ELP3: variants seen among roughly 807,000 people sequenced by gnomAD.
The protein encoded by ELP3 is elongator complex protein 3.
ELP3 carries 56 observed loss-of-function variants against 74.9 expected under a neutral mutation model. The observed-to-expected ratio is 0.75, with a 90% CI of 0.60 to 0.93. The LOEUF is 0.93. Ranked by LOEUF, ELP3 falls within the 40% of genes least tolerant of loss-of-function variation. The pLI is 0.00. For synonymous variants in ELP3, 222 were observed against 239.8 expected, an observed-to-expected ratio of 0.93 and a Z score of 0.68; for missense variants, 573 against 686.5, an observed-to-expected ratio of 0.83 and a Z score of 1.85.
intron 10 of ELP3, among the ~76,000 whole-genome samples, chr8:28,145,688 A>C (rs1171312997): frequency 3.3e-5 from 5 of 152,200 alleles, no homozygotes; most frequent in Non-Finnish European, 7.4e-5. Context: ...CAGTGGCACA[A>C]TCTCAGCTCA....
chr8:28,182,990 AG>A (rs1264432978), intron 14 of ELP3, among the ~76,000 whole-genome samples: 1 of 152,142 alleles, frequency 6.6e-6, no homozygotes, highest in Non-Finnish European at 1.5e-5. Context: ...ATCCTTGGGA[AG>A]GGGGCTTTCC....
In ELP3 at chr8:28,097,296, G is replaced by C; in HGVS notation, c.97G>C (p.Gly33Arg). 6.2e-7 allele frequency: 1 copy of C among 1,613,358 alleles called. No homozygotes were observed. Among genetic ancestry groups the C allele is most frequent in the Non-Finnish European group, 8.5e-7 (1 of 1,179,544 alleles). Residue 33 changes from glycine (G) to arginine (R), a missense_variant, in exon 2 of 15, where the codon GGG (glycine) becomes CGG (arginine). Transcript: ENST00000256398. ...ACAACTGATTGAAGCCCACGAGCAG[G>C]GGAAAGACATCGATCTAAATAAGTA... ...IKQLIEAHEQ[G>R]KDIDLNKVKT... is the part of the protein sequence containing the mutation.
At chr8:28,097,413 A>G (rs1173752416) in intron 2 of ELP3, 95 bp downstream of exon 2, 1 of 763,008 alleles carries the variant, frequency 1.3e-6, no homozygotes, top group African/African-American at 1.8e-5. Context: ...CTCAAGTTTT[A>G]TTTTAGTTGA....
intron 10 of ELP3, among the ~76,000 whole-genome samples, chr8:28,140,547 C>A (rs1056145217): frequency 1.2e-4 from 18 of 152,194 alleles, no homozygotes; most frequent in African/African-American, 4.3e-4. Context: ...GGCATTTTCA[C>A]AGTCATTCTT....
intron 6 of ELP3, 127 bp downstream of exon 6, chr8:28,110,565 C>T: frequency 1.3e-6 from 1 of 792,266 alleles, no homozygotes. Context: ...TGTAAGTTTT[C>T]AATATCCATT....
In ELP3 at chr8:28,137,816, C is replaced by T. The variant is rs772727526; in HGVS notation, c.1025C>T (p.Pro342Leu). Reference sequence around the variant, plus strand: ...TCAGGAAGATATAAGAGTTACTCTCCTAGTGACCTGGTTGAATTGGTGGCT... The same window carrying T: ...TCAGGAAGATATAAGAGTTACTCTCTTAGTGACCTGGTTGAATTGGTGGCT... ...WKSGRYKSYS[P>L]SDLVELVARI... is the part of the protein sequence containing the mutation. Residue 342 changes from proline to leucine, a missense_variant, in exon 10 of 15, where the codon CCT becomes CTT. Coordinates refer to ENST00000256398, the MANE Select transcript of ELP3 (RefSeq NM_018091.6). The T allele has an allele frequency of 1.2e-6, 2 of 1,613,996 alleles. No homozygotes were observed. The highest frequency in any genetic ancestry group is 1.7e-5 in the Admixed American group (1 of 59,994).
intron 10 of ELP3, among the ~76,000 whole-genome samples, chr8:28,155,470 T>A (rs1813788881): frequency 6.6e-6 from 1 of 152,190 alleles, no homozygotes. Flanking sequence ...GAAAAAAGAT[T>A]TAATCTTTGA....
At chr8:28,090,904 CTTTTTTT>C (rs71222535), upstream of ELP3, among the ~76,000 whole-genome samples, 29 of 77,424 alleles carry the variant, frequency 3.7e-4, no homozygotes, top group Non-Finnish European at 7.8e-4. Flanking sequence ...TAAATGTTTC[CTTTTTTT>C]TTTTTTTTTT....
chr8:28,191,124 C>G lies in ELP3; in HGVS notation c.*1399C>G, dbSNP rs1217063229. The G allele has an allele frequency of 6.6e-6, 1 of 152,146 alleles. No individual in the cohort carries two copies. The highest frequency in any genetic ancestry group is 1.5e-5 in the Non-Finnish European group (1 of 68,040). The allele number at this position is 152,146 out of a possible 1,614,324, so 9.4% of individuals were successfully genotyped here. ...AAAGGAATTGATTCCTCTGAAAGGG[C>G]CTGAAAATAAAAAGTCTTTAACATA... On this transcript the variant is annotated 3_prime_UTR_variant, in exon 15 of 15. Coordinates refer to ENST00000256398, the MANE Select transcript of ELP3 (RefSeq NM_018091.6).
intron 3 of ELP3, among the ~76,000 whole-genome samples, chr8:28,102,379 A>C (rs1811524133): frequency 6.6e-6 from 1 of 152,216 alleles, no homozygotes; most frequent in South Asian, 2.1e-4. Context: ...TCCTACTGCC[A>C]CTGGTAAGAA....
At chr8:28,124,246 A>T (rs1345675874) in intron 7 of ELP3, among the ~76,000 whole-genome samples, 2 of 152,184 alleles carry the variant, frequency 1.3e-5, no homozygotes, top group African/African-American at 4.8e-5. Flanking sequence ...TCTGGTACTT[A>T]ATAAATGCTA....
chr8:28,127,938 A>G (rs1313402884), intron 7 of ELP3, among the ~76,000 whole-genome samples: 1 of 152,210 alleles, frequency 6.6e-6, no homozygotes, highest in African/African-American at 2.4e-5. Flanking sequence ...TTTCTTAATT[A>G]TTATTGGCAA....
intron 14 of ELP3, among the ~76,000 whole-genome samples, chr8:28,165,440 G>A (rs1027103286): frequency 6.6e-6 from 1 of 152,136 alleles, no homozygotes; most frequent in East Asian, 1.9e-4. Flanking sequence ...TGGTGATACT[G>A]TTTGACCTAA....
intron 10 of ELP3, 146 bp downstream of exon 10, chr8:28,138,037 G>C (rs542743036): frequency 1.3e-6 from 1 of 772,526 alleles, no homozygotes; most frequent in East Asian, 3.0e-5. Flanking sequence ...AATAGGGAGG[G>C]ATGGAAATCA....
intron 14 of ELP3, among the ~76,000 whole-genome samples, chr8:28,183,965 T>G (rs1815129032): frequency 6.6e-6 from 1 of 152,206 alleles, no homozygotes; most frequent in Non-Finnish European, 1.5e-5. Context: ...GTGGCTGACG[T>G]CAGCTCTGAA....
chr8:28,127,325 G>A (rs910312463), intron 7 of ELP3, among the ~76,000 whole-genome samples: 2 of 152,098 alleles, frequency 1.3e-5, no homozygotes, highest in Non-Finnish European at 2.9e-5. Context: ...TCCCAGTGAT[G>A]TAAGCTACTA....
Position 28,100,032 on chromosome 8 carries a change from A to G in ELP3, c.258+66A>G, listed in dbSNP as rs574060846. On this transcript the variant is annotated intron_variant, in intron 3 of 14. Coordinates refer to ENST00000256398, the MANE Select transcript of ELP3 (RefSeq NM_018091.6). Reference sequence around the variant, plus strand: ...CTGTTCTGGCAGAAGTCCCTGCTCCATGTGACGCCCGTGTAGTGAGGTAGA... The same window carrying G: ...CTGTTCTGGCAGAAGTCCCTGCTCCGTGTGACGCCCGTGTAGTGAGGTAGA... 3.5e-4 allele frequency: 562 copies of G among 1,604,998 alleles called. 3 individuals are homozygous for G. In the African/African-American group the frequency reaches 6.3e-3, roughly 18 times the overall value.
chr8:28,142,197 G>A (rs528084593), intron 10 of ELP3, among the ~76,000 whole-genome samples: 1 of 152,318 alleles, frequency 6.6e-6, no homozygotes, highest in Admixed American at 6.5e-5. Flanking sequence ...GAAGAGTGGA[G>A]AACACTTATA....
chr8:28,113,055 T>G lies in ELP3; in HGVS notation c.499T>G (p.Phe167Val). 6.2e-7 allele frequency: 1 copy of G among 1,613,540 alleles called. No homozygotes were observed. Among genetic ancestry groups the G allele is most frequent in the Non-Finnish European group, 8.5e-7 (1 of 1,179,774 alleles). Residue 167 changes from phenylalanine (F) to valine (V), a missense_variant, in exon 7 of 15, where the codon TTT (phenylalanine) becomes GTT (valine). Coordinates refer to ENST00000256398, the MANE Select transcript of ELP3 (RefSeq NM_018091.6). ...TGGTCATAGTGTGGATAAAGTGGAG[T>G]TTATTGTGATGGGTGGAACGTTTAT... ...QLGHSVDKVE[F>V]IVMGGTFMAL... is the part of the protein sequence containing the mutation.
Sources: allele counts gnomAD v4.1 joint callset (sites outside exome capture counted in the v4.1 genomes callset), GRCh38; gene constraint gnomAD v4.1.1; transcripts MANE v1.5; gene names NCBI Gene and HGNC (gene_info 2026-07-23, HGNC 2026-07-21).